Variants in RBFOX3 observed in about 807,000 individuals in gnomAD.
RBFOX3 encodes RNA binding protein fox-1 homolog 3.
In RBFOX3, 17 loss-of-function variants were observed where a neutral mutation model predicts 48.7. The ratio of observed to expected loss-of-function variants is 0.35; its 90% CI spans 0.24 to 0.52. RBFOX3 has a LOEUF of 0.52. Ranked by LOEUF, RBFOX3 falls within the 20% of genes least tolerant of loss-of-function variation. RBFOX3 has a pLI of 0.94. For synonymous variants in RBFOX3, 212 were observed against 209.5 expected (o/e 1.01, Z -0.10); for missense variants, 382 against 497.5 (o/e 0.77, Z 2.21).
At chr17:79,458,362 C>T (rs1598781579) in intron 2 of RBFOX3, among the ~76,000 whole-genome samples, 1 of 152,310 alleles carries the variant, frequency 6.6e-6, no homozygotes. Flanking sequence ...TGACGTCTCA[C>T]GTAACCACCA....
intron 4 of RBFOX3, among the ~76,000 whole-genome samples, chr17:79,189,916 A>G (rs2054129388): frequency 1.3e-5 from 2 of 152,234 alleles, no homozygotes; most frequent in African/African-American, 4.8e-5. Flanking sequence ...CCCCCACTGC[A>G]GACATGACTG....
intron 3 of RBFOX3, among the ~76,000 whole-genome samples, chr17:79,274,143 G>C (rs148877312): frequency 3.9e-5 from 6 of 152,208 alleles, no homozygotes; most frequent in Non-Finnish European, 8.8e-5. Context: ...GTGTCCACCT[G>C]TCTGGGCACT....
intron 4 of RBFOX3, chr17:79,233,929 AC>A (rs1270882616): frequency 1.3e-5 from 2 of 152,244 alleles, no homozygotes; most frequent in Non-Finnish European, 2.9e-5. Flanking sequence ...TCTTTATTCT[AC>A]AAGTGACTCA....
chr17:79,114,942 C>G (rs1378825289), intron 5 of RBFOX3, among the ~76,000 whole-genome samples: 2 of 152,234 alleles, frequency 1.3e-5, no homozygotes, highest in Non-Finnish European at 2.9e-5. Flanking sequence ...GGGCTCAGCA[C>G]TTTTGCCTGG....
At chr17:79,531,976 G>A (rs908475517) in intron 1 of RBFOX3, among the ~76,000 whole-genome samples, 8 of 152,246 alleles carry the variant, frequency 5.3e-5, no homozygotes, top group Admixed American at 1.3e-4. Context: ...TGCTGCAGGG[G>A]AGGGTCCTCA....
chr17:79,532,196 T>TG (rs2087891841), intron 1 of RBFOX3, among the ~76,000 whole-genome samples: 4 of 145,368 alleles, frequency 2.8e-5, no homozygotes, highest in African/African-American at 8.0e-5. Context: ...ATAACTGCAC[T>TG]GGAGGGGGGA....
At chr17:79,415,441 G>A (rs532532315) in intron 2 of RBFOX3, among the ~76,000 whole-genome samples, 15 of 152,286 alleles carry the variant, frequency 9.8e-5, no homozygotes, top group African/African-American at 1.4e-4. Context: ...CGACCCTAGC[G>A]GCTGTGGAAG....
At chr17:79,147,109 T>C (rs2043196416) in intron 4 of RBFOX3, among the ~76,000 whole-genome samples, 1 of 152,214 alleles carries the variant, frequency 6.6e-6, no homozygotes, top group East Asian at 1.9e-4. Context: ...TGCTGCTGTC[T>C]GGACACCAGA....
intron 1 of RBFOX3, among the ~76,000 whole-genome samples, chr17:79,491,511 C>T (rs975459602): frequency 2.6e-5 from 4 of 151,840 alleles, no homozygotes; most frequent in Non-Finnish European, 5.9e-5. Flanking sequence ...TACGGAAGGG[C>T]GGATGGAGTT....
At chr17:79,265,803 GCTGGGCAGGCCTGCCAACT>G (rs1029062911) in intron 3 of RBFOX3, among the ~76,000 whole-genome samples, 4 of 152,156 alleles carry the variant, frequency 2.6e-5, no homozygotes, top group Admixed American at 1.3e-4. Flanking sequence ...AGAGCCTGCG[GCTGGGCAGGCCTGCCAACT>G]CTGGGCAGGT....
At chr17:79,589,682 G>A (rs1356589497) in intron 1 of RBFOX3, among the ~76,000 whole-genome samples, 2 of 152,122 alleles carry the variant, frequency 1.3e-5, no homozygotes, top group Non-Finnish European at 2.9e-5. Flanking sequence ...GGGACCCCCT[G>A]GAAGGGACCC....
intron 4 of RBFOX3, among the ~76,000 whole-genome samples, chr17:79,222,757 A>G (rs531047724): frequency 6.6e-6 from 1 of 152,288 alleles, no homozygotes; most frequent in East Asian, 1.9e-4. Flanking sequence ...GCAGGGGCTC[A>G]GCCACACTTG....
In RBFOX3 at chr17:79,096,638, C is replaced by G. The variant is rs377444179; in HGVS notation, c.936+15G>C. 1.1e-5 allele frequency: 16 copies of G among 1,523,330 alleles called. No homozygotes were observed. Among genetic ancestry groups the G allele is most frequent in the African/African-American group, 2.8e-5 (2 of 72,430 alleles). 94.4% of individuals were successfully genotyped at this position (1,523,330 alleles called of 1,614,324 possible). On this transcript the variant is annotated intron_variant, in intron 12 of 14. Coordinates refer to ENST00000693108, the MANE Select transcript of RBFOX3 (RefSeq NM_001350451.2). ...CGCCTGATCCCACCCTCCCTCCCGGCGGGGCTACACTTACATAAATCTCAG... is the reference window on the plus strand; with the variant it reads ...CGCCTGATCCCACCCTCCCTCCCGGGGGGGCTACACTTACATAAATCTCAG...
chr17:79,287,864 C>A (rs1456250209), intron 3 of RBFOX3, among the ~76,000 whole-genome samples: 1 of 152,224 alleles, frequency 6.6e-6, no homozygotes, highest in African/African-American at 2.4e-5. Flanking sequence ...GGGACGTGTG[C>A]TCTGACCTGC....
intron 4 of RBFOX3, among the ~76,000 whole-genome samples, chr17:79,202,213 C>T (rs548394670): frequency 1.3e-5 from 2 of 152,204 alleles, no homozygotes; most frequent in East Asian, 3.9e-4. Context: ...CTGGACTGTG[C>T]TCTGTCCCGC....
intron 4 of RBFOX3, among the ~76,000 whole-genome samples, chr17:79,130,578 G>A (rs1482365107): frequency 6.6e-6 from 1 of 152,262 alleles, no homozygotes; most frequent in Non-Finnish European, 1.5e-5. Flanking sequence ...GGGCCTCAGG[G>A]CTCTCCCACA....
intron 1 of RBFOX3, among the ~76,000 whole-genome samples, chr17:79,590,842 G>A (rs2145083796): frequency 6.6e-6 from 1 of 152,292 alleles, no homozygotes; most frequent in African/African-American, 2.4e-5. Context: ...ATCACCACAA[G>A]GCCCAGGAGG....
the RBFOX3 span, among the ~76,000 whole-genome samples, chr17:79,658,350 A>G: frequency 6.7e-5 from 1 of 14,852 alleles, no homozygotes; most frequent in African/African-American, 2.7e-4. Context: ...CTCCCCCTCC[A>G]CCCCTCCCTC....
chr17:79,475,822 G>T (rs1041844876), intron 2 of RBFOX3, among the ~76,000 whole-genome samples: 7 of 152,228 alleles, frequency 4.6e-5, no homozygotes, highest in Non-Finnish European at 8.8e-5. Context: ...AGGATGGCCA[G>T]TGGCCCCCAG....
Sources: allele counts gnomAD v4.1 joint callset (sites outside exome capture counted in the v4.1 genomes callset), GRCh38; gene constraint gnomAD v4.1.1; transcripts MANE v1.5; gene names NCBI Gene and HGNC (gene_info 2026-07-23, HGNC 2026-07-21).